ADCY8: variants seen among roughly 807,000 people sequenced by gnomAD.
ADCY8 encodes the protein adenylate cyclase 8, also known as adenylate cyclase type 8.
ADCY8 carries 51 observed loss-of-function variants against 119.7 expected under a neutral mutation model. That is an observed-to-expected ratio of 0.43 (90% CI 0.34 to 0.54). The LOEUF (loss-of-function observed/expected upper bound fraction) is 0.54, where lower values mean the gene tolerates loss of function less well. Among genes scored for constraint, ADCY8 ranks in the 20% least tolerant of loss-of-function variants. The probability of loss-of-function intolerance (pLI) is 0.03; values close to 1 mark genes in which losing one functional copy is unlikely to be tolerated. For missense variants in ADCY8, 1,383 were observed against 1,598.8 expected (o/e 0.87, Z 2.30); for synonymous variants, 665 against 651.0 (o/e 1.02, Z -0.33).
At chr8:131,013,486 T>A (rs914269790) in intron 1 of ADCY8, among the ~76,000 whole-genome samples, 7 of 152,110 alleles carry the variant, frequency 4.6e-5, no homozygotes, top group African/African-American at 1.4e-4. Flanking sequence ...CTTCAGAAAA[T>A]AATTTTTCTA....
chr8:131,039,243 G>A, intron 1 of ADCY8, 131 bp downstream of exon 1: 2 of 1,310,394 alleles, frequency 1.5e-6, no homozygotes, highest in South Asian at 2.8e-5. Context: ...GACCTCCTAG[G>A]TACAAGGCAC....
At chr8:130,802,002 G>A (rs1815795694) in intron 14 of ADCY8, among the ~76,000 whole-genome samples, 1 of 143,052 alleles carries the variant, frequency 7.0e-6, no homozygotes, top group African/African-American at 2.6e-5. Flanking sequence ...ACACTTACCT[G>A]GTCCATCTCG....
chr8:130,788,046 A>G (rs1815313169), intron 15 of ADCY8, among the ~76,000 whole-genome samples: 1 of 152,256 alleles, frequency 6.6e-6, no homozygotes, highest in Non-Finnish European at 1.5e-5. Context: ...TTATGCACCA[A>G]GAATTTCTAA....
At chr8:131,018,027 C>A (rs28508149) in intron 1 of ADCY8, among the ~76,000 whole-genome samples, 5 of 151,802 alleles carry the variant, frequency 3.3e-5, no homozygotes, top group African/African-American at 1.2e-4. Flanking sequence ...ATTACAAATG[C>A]CGAGTATAAA....
chr8:130,984,248 G>A (rs1210644153), intron 2 of ADCY8, among the ~76,000 whole-genome samples: 2 of 152,124 alleles, frequency 1.3e-5, no homozygotes. Context: ...TGCATGAGTG[G>A]GCTCCCTGTG....
At chr8:131,000,478 T>C (rs1040529010) in intron 1 of ADCY8, among the ~76,000 whole-genome samples, 1 of 152,200 alleles carries the variant, frequency 6.6e-6, no homozygotes, top group Admixed American at 6.5e-5. Flanking sequence ...ACTTAATATG[T>C]GCCAGGAATC....
chr8:130,801,614 T>A (rs961993017), intron 14 of ADCY8, among the ~76,000 whole-genome samples: 7 of 152,208 alleles, frequency 4.6e-5, no homozygotes, highest in African/African-American at 1.7e-4. Flanking sequence ...GGCTATCAAC[T>A]AGGTTCTCTT....
intron 10 of ADCY8, 43 bp from the exon 11 acceptor site, chr8:130,847,556 A>C: frequency 1.0e-5 from 15 of 1,490,982 alleles, no homozygotes; most frequent in African/African-American, 1.4e-5. Context: ...AAAAACAAAA[A>C]CAGGAACAAC....
At chr8:130,813,991 G>C in intron 14 of ADCY8, 78 bp downstream of exon 14, 1 of 1,539,526 alleles carries the variant, frequency 6.5e-7, no homozygotes, top group Non-Finnish European at 8.9e-7. Flanking sequence ...AATTCTCCCA[G>C]AGTTTGGGAT....
intron 1 of ADCY8, among the ~76,000 whole-genome samples, chr8:131,008,624 T>C (rs1823200779): frequency 6.6e-6 from 1 of 152,076 alleles, no homozygotes; most frequent in African/African-American, 2.4e-5. Context: ...ATACAATAAA[T>C]TGGTACCAGG....
chr8:130,931,738 C>T (rs1434017282), intron 5 of ADCY8, among the ~76,000 whole-genome samples: 1 of 152,010 alleles, frequency 6.6e-6, no homozygotes, highest in African/African-American at 2.4e-5. Context: ...TTCTCTATTG[C>T]AGTTTTCATT....
chr8:130,971,097 G>A (rs1430647742), intron 2 of ADCY8, among the ~76,000 whole-genome samples: 1 of 152,154 alleles, frequency 6.6e-6, no homozygotes, highest in Non-Finnish European at 1.5e-5. Context: ...TTTAGGTTTA[G>A]CACAAGTCTG....
At chr8:130,885,559 C>T (rs1818951985) in intron 7 of ADCY8, among the ~76,000 whole-genome samples, 2 of 151,974 alleles carry the variant, frequency 1.3e-5, no homozygotes, top group East Asian at 1.9e-4. Context: ...GGAGACCTTT[C>T]CTCCTGGTGA....
intron 2 of ADCY8, among the ~76,000 whole-genome samples, chr8:130,969,332 G>A (rs1434931462): frequency 1.3e-5 from 2 of 152,122 alleles, no homozygotes; most frequent in Non-Finnish European, 2.9e-5. Flanking sequence ...TCTGATGGCT[G>A]TAGAATTTGA....
intron 13 of ADCY8, among the ~76,000 whole-genome samples, chr8:130,815,202 A>G (rs1217455455): frequency 6.6e-6 from 1 of 152,194 alleles, no homozygotes; most frequent in Non-Finnish European, 1.5e-5. Context: ...CTCATCAGAA[A>G]ACAAACCCTT....
At chr8:130,930,645 T>G (rs1820605686) in intron 5 of ADCY8, among the ~76,000 whole-genome samples, 1 of 152,186 alleles carries the variant, frequency 6.6e-6, no homozygotes, top group Non-Finnish European at 1.5e-5. Flanking sequence ...CAGGTTATTT[T>G]AAGCTGATGG....
intron 2 of ADCY8, among the ~76,000 whole-genome samples, chr8:130,968,133 A>G (rs1821816424): frequency 6.6e-6 from 1 of 152,024 alleles, no homozygotes; most frequent in African/African-American, 2.4e-5. Flanking sequence ...TGGTCTGTAG[A>G]GAATTTAAAA....
At chr8:131,026,357 C>T (rs1050667372) in intron 1 of ADCY8, among the ~76,000 whole-genome samples, 6 of 152,074 alleles carry the variant, frequency 3.9e-5, no homozygotes, top group African/African-American at 1.4e-4. Context: ...GCTTCCCAGC[C>T]TCCAGAACTA....
intron 2 of ADCY8, among the ~76,000 whole-genome samples, chr8:130,952,579 A>G (rs568275498): frequency 1.3e-5 from 2 of 152,350 alleles, no homozygotes; most frequent in Non-Finnish European, 1.5e-5. Context: ...AGGTGAGCAT[A>G]CAATGTTTGT....
Sources: allele counts gnomAD v4.1 joint callset (sites outside exome capture counted in the v4.1 genomes callset), GRCh38; gene constraint gnomAD v4.1.1; transcripts MANE v1.5; gene names NCBI Gene and HGNC (gene_info 2026-07-23, HGNC 2026-07-21).